The following WDR27 variants were observed in gnomAD, a reference collection of about 807,000 sequenced individuals.
The protein encoded by WDR27 is WD repeat-containing protein 27.
Under a neutral mutation model 114.4 loss-of-function variants are expected in WDR27, and 100 were observed. The ratio of observed to expected loss-of-function variants is 0.87; its 90% CI spans 0.74 to 1.03. The LOEUF (loss-of-function observed/expected upper bound fraction) is 1.03. Ranked by LOEUF, WDR27 falls within the 50% of genes least tolerant of loss-of-function variation. The pLI, the probability that WDR27 is intolerant of heterozygous loss-of-function variation, is 0.00. For missense variants in WDR27, 1,129 were observed against 1,092.9 expected (o/e 1.03, Z -0.47); for synonymous variants, 449 against 423.1 (o/e 1.06, Z -0.75).
chr6:169,684,026 T>C lies in WDR27; in HGVS notation c.189+4791A>G, dbSNP rs1166399056. ...AGAAGTCACTGCCATTCTCCAGCCCTGGGGCTCCATCTTTACTATACCAAG... is the reference window on the plus strand; with the variant it reads ...AGAAGTCACTGCCATTCTCCAGCCCCGGGGCTCCATCTTTACTATACCAAG... On this transcript the variant is annotated intron_variant, in intron 2 of 25. Transcript: ENST00000448612. The surrounding 1 kb of genome is among the most constrained non-coding windows in gnomAD (Gnocchi z 4.3). Among the ~76,000 whole-genome samples the C allele has an allele frequency of 6.6e-6, 1 of 152,180 alleles. No homozygotes were observed. The highest frequency in any genetic ancestry group is 2.4e-5 in the African/African-American group (1 of 41,450).
rs375159431 is a variant in WDR27, at chr6:169,684,158, C to A, written c.189+4659G>T. Reference sequence around the variant, plus strand: ...ACAGAGAAACCAACCCTCGCCACTGCACTTCCAGCCAGAGAAACAACCCAG... The same window carrying A: ...ACAGAGAAACCAACCCTCGCCACTGAACTTCCAGCCAGAGAAACAACCCAG... On this transcript the variant is annotated intron_variant, in intron 2 of 25. Transcript: ENST00000448612. This position sits in a 1 kb window ranked among gnomAD's most constrained non-coding sequence, Gnocchi z 4.3. Among the ~76,000 whole-genome samples the A allele has an allele frequency of 3.3e-5, 5 of 152,138 alleles. No individual in the cohort carries two copies. The highest frequency in any genetic ancestry group is 3.9e-4 in the East Asian group (2 of 5,176).
At chr6:169,426,978 G>GGGGT in the WDR27 span, 1 of 144,714 alleles carries the variant, frequency 6.9e-6, no homozygotes, top group Non-Finnish European at 1.5e-5. Flanking sequence ...GGCAGTGGGG[G>GGGGT]GGGGGTGGCG....
intron 22 of WDR27, among the ~76,000 whole-genome samples, chr6:169,607,627 G>T: frequency 6.6e-6 from 1 of 152,104 alleles, no homozygotes; most frequent in East Asian, 1.9e-4. Context: ...GACTCAGAAG[G>T]GTAGAGGGTG....
chr6:169,449,919 A>G, the WDR27 span, among the ~76,000 whole-genome samples: 4 of 152,230 alleles, frequency 2.6e-5, no homozygotes, highest in African/African-American at 9.6e-5. Flanking sequence ...GCGAGAAAGA[A>G]GCCAGCACCA....
At chr6:169,591,219 T>C (rs4716368) in intron 23 of WDR27, among the ~76,000 whole-genome samples, 62,483 of 152,004 alleles carry the variant, frequency 0.41, 15,052 homozygotes, top group East Asian at 0.85. Context: ...TGATTGGTGA[T>C]GTGAGCCCTT....
chr6:169,533,389 T>C (rs961446968), intron 25 of WDR27, among the ~76,000 whole-genome samples: 2 of 152,104 alleles, frequency 1.3e-5, no homozygotes, highest in Non-Finnish European at 2.9e-5. Flanking sequence ...GACTGGGGAC[T>C]CCTGAAACTT....
At chr6:169,648,005 C>G (rs1161151001) in intron 15 of WDR27, 135 bp from the exon 16 acceptor site, 1 of 599,028 alleles carries the variant, frequency 1.7e-6, no homozygotes, top group Admixed American at 3.6e-5. Context: ...GAATATTTAT[C>G]TATATGTCTA....
intron 3 of WDR27, chr6:169,672,036 C>T (rs1372840393): frequency 2.3e-6 from 1 of 443,686 alleles, no homozygotes; most frequent in Admixed American, 3.9e-5. Context: ...GCATAACAGA[C>T]AGCAAAGGTC....
At position 169,556,175 on chromosome 6, in the gene WDR27, C is replaced by T. The variant is rs558358760; in HGVS notation, c.2645+16244G>A. 4.6e-5 allele frequency among the ~76,000 whole-genome samples: 7 copies of T among 152,276 alleles called. No individual in the cohort carries two copies. In the South Asian group the frequency reaches 1.0e-3, roughly 23 times the overall value. Reference sequence around the variant, plus strand: ...GGGCTCCTACCTGTGAGGTAGGAGCCTTGGGGGCCTCAGGGAGCTGATGAT... The same window carrying T: ...GGGCTCCTACCTGTGAGGTAGGAGCTTTGGGGGCCTCAGGGAGCTGATGAT... On this transcript the variant is annotated intron_variant, in intron 25 of 25. Coordinates refer to ENST00000448612, the MANE Select transcript of WDR27 (RefSeq NM_182552.5).
chr6:169,695,328 A>G (rs985599724), intron 1 of WDR27, among the ~76,000 whole-genome samples: 6 of 152,210 alleles, frequency 3.9e-5, no homozygotes, highest in Non-Finnish European at 8.8e-5. Context: ...CTGAACAACA[A>G]GAGACCCCAC....
chr6:169,506,387 A>T (rs922175739), intron 25 of WDR27, among the ~76,000 whole-genome samples: 5 of 152,188 alleles, frequency 3.3e-5, no homozygotes, highest in Non-Finnish European at 7.3e-5. Flanking sequence ...GTAAGTGATT[A>T]AAAAAATCAA....
intron 20 of WDR27, 103 bp from the exon 21 acceptor site, chr6:169,633,171 C>G (rs769551561): frequency 8.2e-7 from 1 of 1,216,824 alleles, no homozygotes; most frequent in African/African-American, 1.5e-5. Flanking sequence ...TTAGAAGACT[C>G]ATGAATGGAT....
At chr6:169,701,035 A>G (rs1787836410) in intron 1 of WDR27, among the ~76,000 whole-genome samples, 1 of 152,238 alleles carries the variant, frequency 6.6e-6, no homozygotes, top group Admixed American at 6.5e-5. Context: ...CCATAGTCTT[A>G]AAGTTAAGTC....
intron 25 of WDR27, among the ~76,000 whole-genome samples, chr6:169,487,241 T>C (rs1789055735): frequency 6.6e-6 from 1 of 152,226 alleles, no homozygotes; most frequent in South Asian, 2.1e-4. Flanking sequence ...CGAATACCAT[T>C]ATTTTTTATA....
intron 25 of WDR27, among the ~76,000 whole-genome samples, chr6:169,468,247 G>A (rs1035098615): frequency 3.3e-5 from 5 of 152,136 alleles, no homozygotes; most frequent in South Asian, 2.1e-4. Flanking sequence ...AATTCCAAAC[G>A]TTCTCACATC....
intron 21 of WDR27, among the ~76,000 whole-genome samples, chr6:169,617,060 A>C (rs1409694046): frequency 6.6e-6 from 1 of 152,212 alleles, no homozygotes; most frequent in Non-Finnish European, 1.5e-5. Context: ...AACAATGCAC[A>C]ATGTTGCTGA....
Position 169,553,024 on chromosome 6 carries a change from GTGTA to G in WDR27, c.2645+19391_2645+19394del, listed in dbSNP as rs1280176175. Among the ~76,000 whole-genome samples the G allele has an allele frequency of 1.6e-3, 174 of 106,732 alleles. 1 individual carries two copies. The highest frequency in any genetic ancestry group is 5.7e-3 in the East Asian group (22 of 3,838). 70.0% of individuals were successfully genotyped at this position (106,732 alleles called of 152,430 possible). A position where few individuals can be genotyped will look rare whatever the true frequency, so the allele number is the denominator to read the frequency against. On this transcript the variant is annotated intron_variant, in intron 25 of 25. Transcript: ENST00000448612. ...TGTGTGTGTGTGTGTGTGTGTGTGT[GTGTA>G]TGCAGGGAGGTGGGGAGGGCCTGGA...
chr6:169,658,297 CCTTGGTACTCTTCT>C lies in WDR27; in HGVS notation c.1367_1380del (p.Glu456GlyfsTer3). On this transcript the variant is annotated frameshift_variant, in exon 13 of 26. Coordinates refer to ENST00000448612, the MANE Select transcript of WDR27 (RefSeq NM_182552.5). LOFTEE classifies it high-confidence loss of function. ...TGACCACGTCGCTGTTCACTAGCAG[CCTTGGTACTCTTCT>C]CCTTGGCAATTCCCAGATACAGTGG... 1 of 1,601,698 alleles carries C rather than the reference CCTTGGTACTCTTCT, an allele frequency of 6.2e-7. No individual in the cohort carries two copies. The highest frequency in any genetic ancestry group is 8.5e-7 in the Non-Finnish European group (1 of 1,174,454).
chr6:169,633,080 C>T lies in WDR27; in HGVS notation c.2102-12G>A. 6.4e-7 allele frequency: 1 copy of T among 1,572,120 alleles called. No homozygotes were observed. The highest frequency in any genetic ancestry group is 8.7e-7 in the Non-Finnish European group (1 of 1,148,282). ...TGCGAGTACGATGTCTGCGATAATC[C>T]AGTTAGGGAGCTCTTCTCAACACTC... is the stretch of plus-strand genomic sequence containing the variant. On this transcript the variant is annotated splice_polypyrimidine_tract_variant and intron_variant, in intron 20 of 25. Transcript: ENST00000448612.
Sources: allele counts gnomAD v4.1 joint callset (sites outside exome capture counted in the v4.1 genomes callset), GRCh38; gene constraint gnomAD v4.1.1; non-coding constraint Gnocchi (gnomAD v3.1); transcripts MANE v1.5; gene names NCBI Gene and HGNC (gene_info 2026-07-23, HGNC 2026-07-21).